The following CDYL2 variants were observed in gnomAD, a reference collection of about 807,000 sequenced individuals.
The protein encoded by CDYL2 is chromodomain Y-like protein 2.
A neutral mutation model predicts 49.4 loss-of-function variants in CDYL2; 23 were observed. The ratio of observed to expected loss-of-function variants is 0.47; its 90% CI spans 0.34 to 0.66. The LOEUF (loss-of-function observed/expected upper bound fraction) is 0.66. Ranked by LOEUF, CDYL2 falls within the 30% of genes least tolerant of loss-of-function variation. CDYL2 has a pLI of 0.01. For missense variants in CDYL2, 678 were observed against 656.4 expected, an observed-to-expected ratio of 1.03 and a Z score of -0.36; for synonymous variants, 360 against 268.8, an observed-to-expected ratio of 1.34 and a Z score of -3.32.
chr16:80,736,850 T>A (rs1337605875), intron 1 of CDYL2, among the ~76,000 whole-genome samples: 1 of 152,222 alleles, frequency 6.6e-6, no homozygotes, highest in Non-Finnish European at 1.5e-5. Flanking sequence ...TAAGGACTTG[T>A]TACCCAGTCA....
At chr16:80,753,618 A>C (rs1567595510) in intron 1 of CDYL2, among the ~76,000 whole-genome samples, 1 of 152,090 alleles carries the variant, frequency 6.6e-6, no homozygotes. Context: ...CAAAAAAAGA[A>C]AAAAAAATCA....
At chr16:80,772,321 T>C (rs9929786) in intron 1 of CDYL2, among the ~76,000 whole-genome samples, 14,770 of 152,066 alleles carry the variant, frequency 0.097, 799 homozygotes, top group African/African-American at 0.12. Context: ...AAAAGAATAA[T>C]AACAATTTCC....
At chr16:80,775,467 C>T (rs1907051130) in intron 1 of CDYL2, among the ~76,000 whole-genome samples, 1 of 151,314 alleles carries the variant, frequency 6.6e-6, no homozygotes, top group South Asian at 2.1e-4. Context: ...TGGGTTGTAA[C>T]AATTAATTAA....
chr16:80,707,932 G>A (rs1308498412), intron 1 of CDYL2, among the ~76,000 whole-genome samples: 1 of 152,110 alleles, frequency 6.6e-6, no homozygotes, highest in East Asian at 1.9e-4. Flanking sequence ...TCTCCAGTAG[G>A]GTGTTGGGTT....
chr16:80,715,066 G>A (rs1183491424), intron 1 of CDYL2, among the ~76,000 whole-genome samples: 3 of 152,112 alleles, frequency 2.0e-5, no homozygotes, highest in Non-Finnish European at 2.9e-5. Context: ...GAGCGGACAT[G>A]CCTTACTCAT....
chr16:80,618,458 C>G (rs1906930593), intron 4 of CDYL2, among the ~76,000 whole-genome samples: 1 of 152,228 alleles, frequency 6.6e-6, no homozygotes, highest in South Asian at 2.1e-4. Context: ...ACATCTAAGA[C>G]ACAAATGCAG....
intron 1 of CDYL2, among the ~76,000 whole-genome samples, chr16:80,719,466 T>C (rs1904924571): frequency 6.6e-6 from 1 of 152,188 alleles, no homozygotes; most frequent in Non-Finnish European, 1.5e-5. Flanking sequence ...TTTAATTTTC[T>C]ACATCATCAT....
At chr16:80,799,003 C>T (rs1266942302) in intron 1 of CDYL2, among the ~76,000 whole-genome samples, 1 of 151,654 alleles carries the variant, frequency 6.6e-6, no homozygotes, top group African/African-American at 2.4e-5. Flanking sequence ...AAAATGCTTA[C>T]CTACATTATC....
intron 2 of CDYL2, among the ~76,000 whole-genome samples, chr16:80,669,309 G>A (rs931413840): frequency 2.6e-5 from 4 of 151,982 alleles, no homozygotes; most frequent in African/African-American, 4.8e-5. Context: ...ACGATATATT[G>A]ACCCCCAAGG....
rs187833763 is a variant in CDYL2, at chr16:80,602,864, C to T, written c.*1524G>A. ...TGCTTGACCCATGGTTTAAACCTCA[C>T]GCAGAACACATCCCTTCCATTTGTC... is the stretch of plus-strand genomic sequence containing the variant. On this transcript the variant is annotated 3_prime_UTR_variant, in exon 7 of 7. Transcript: ENST00000570137. 16 of 152,202 alleles carry T rather than the reference C, an allele frequency of 1.1e-4. No individual in the cohort carries two copies. The highest frequency in any genetic ancestry group is 6.5e-4 in the Admixed American group (10 of 15,274). 9.4% of individuals were successfully genotyped at this position (152,202 alleles called of 1,614,324 possible).
intron 1 of CDYL2, among the ~76,000 whole-genome samples, chr16:80,788,880 GAACTC>G (rs763212361): frequency 1.3e-4 from 19 of 151,988 alleles, no homozygotes; most frequent in African/African-American, 1.9e-4. Flanking sequence ...AATCTACAAA[GAACTC>G]AACTCAACAA....
intron 1 of CDYL2, among the ~76,000 whole-genome samples, chr16:80,739,131 C>T (rs1447260359): frequency 2.0e-5 from 3 of 152,146 alleles, no homozygotes; most frequent in Non-Finnish European, 4.4e-5. Context: ...GAGGACGTCA[C>T]GCTGAATGAA....
intron 2 of CDYL2, among the ~76,000 whole-genome samples, chr16:80,665,675 G>A (rs547428449): frequency 5.7e-4 from 87 of 152,190 alleles, no homozygotes; most frequent in African/African-American, 1.6e-3. Flanking sequence ...GGAGGGAATC[G>A]GGAAAGGAGA....
chr16:80,748,877 C>T (rs1346483653), intron 1 of CDYL2, among the ~76,000 whole-genome samples: 4 of 152,144 alleles, frequency 2.6e-5, no homozygotes, highest in African/African-American at 9.6e-5. Flanking sequence ...ACCAAATTAG[C>T]TCACCCTGAT....
intron 2 of CDYL2, among the ~76,000 whole-genome samples, chr16:80,634,222 A>G (rs944013737): frequency 2.0e-5 from 3 of 152,332 alleles, no homozygotes; most frequent in Admixed American, 6.5e-5. Context: ...CACTATTCAC[A>G]ATAGCTCACA....
chr16:80,680,780 T>C lies in CDYL2; in HGVS notation c.616+3758A>G, dbSNP rs572470205. On this transcript the variant is annotated intron_variant, in intron 2 of 6. Transcript: ENST00000570137. The stretch of plus-strand genomic sequence containing the variant: ...GAACCATCTCTTACGACCAAACACA[T>C]CTGCTGGAGCTCCTGTACACACCTG... Among the ~76,000 whole-genome samples, 147 of 152,176 alleles carry C rather than the reference T, an allele frequency of 9.7e-4. 2 individuals are homozygous for C. Among genetic ancestry groups the C allele is most frequent in the African/African-American group, 3.5e-3 (144 of 41,538 alleles).
chr16:80,683,153 T>C (rs879256700), intron 2 of CDYL2, among the ~76,000 whole-genome samples: 13 of 152,316 alleles, frequency 8.5e-5, no homozygotes, highest in Admixed American at 7.8e-4. Flanking sequence ...CCATTCCCCC[T>C]GCATCCAAGC....
chr16:80,719,843 G>C (rs1057371825), intron 1 of CDYL2, among the ~76,000 whole-genome samples: 27 of 152,156 alleles, frequency 1.8e-4, no homozygotes, highest in Non-Finnish European at 3.4e-4. Flanking sequence ...ATCAGCCCAA[G>C]AGGGTACCAA....
intron 2 of CDYL2, among the ~76,000 whole-genome samples, chr16:80,645,086 C>A (rs1456162488): frequency 6.6e-6 from 1 of 152,122 alleles, no homozygotes; most frequent in Non-Finnish European, 1.5e-5. Flanking sequence ...TGGACAGGGA[C>A]TTCATGTCTA....
Sources: gnomAD v4.1 joint callset for allele counts (sites outside exome capture counted in the v4.1 genomes callset) on GRCh38, gnomAD v4.1.1 for gene constraint, MANE v1.5 for transcripts, NCBI Gene and HGNC (gene_info 2026-07-23, HGNC 2026-07-21) for gene names.